The following SLC25A21 variants were observed in gnomAD, a reference collection of about 807,000 sequenced individuals.
SLC25A21 encodes solute carrier family 25 member 21.
Under a neutral mutation model 43.8 loss-of-function variants are expected in SLC25A21, and 47 were observed. The ratio of observed to expected loss-of-function variants is 1.07; its 90% confidence interval spans 0.85 to 1.37. The LOEUF is 1.37. Ranked by LOEUF, SLC25A21 falls within the 40% of genes most tolerant of loss-of-function variation. SLC25A21 has a pLI of 0.00. For synonymous variants in SLC25A21, 131 were observed against 121.3 expected, an observed-to-expected ratio of 1.08 and a Z score of -0.52; for missense variants, 352 against 350.2, an observed-to-expected ratio of 1.00 and a Z score of -0.04.
intron 1 of SLC25A21, among the ~76,000 whole-genome samples, chr14:37,051,634 C>A (rs748865956): frequency 8.5e-5 from 13 of 152,140 alleles, no homozygotes; most frequent in East Asian, 7.7e-4. Flanking sequence ...CCAACAGTGG[C>A]TACTTCAATA....
intron 1 of SLC25A21, among the ~76,000 whole-genome samples, chr14:36,875,847 T>C (rs1890506035): frequency 6.6e-6 from 1 of 152,154 alleles, no homozygotes. Flanking sequence ...TACAAACTAC[T>C]GGCATGTAAC....
intron 3 of SLC25A21, among the ~76,000 whole-genome samples, chr14:36,760,678 T>A (rs1886120287): frequency 1.3e-5 from 2 of 152,140 alleles, no homozygotes; most frequent in South Asian, 4.1e-4. Context: ...ACTGCACACA[T>A]ATTGTAACTT....
At chr14:36,897,958 G>T (rs1305729529) in intron 1 of SLC25A21, among the ~76,000 whole-genome samples, 1 of 152,220 alleles carries the variant, frequency 6.6e-6, no homozygotes, top group African/African-American at 2.4e-5. Context: ...GGGGATGCCT[G>T]CCAGTTAGGC....
chr14:37,070,162 G>A (rs911388257), intron 1 of SLC25A21, among the ~76,000 whole-genome samples: 9 of 151,832 alleles, frequency 5.9e-5, no homozygotes, highest in East Asian at 1.9e-4. Context: ...CATCCTAATC[G>A]GACTCTAATA....
At chr14:36,928,154 C>T (rs1302391066) in intron 1 of SLC25A21, among the ~76,000 whole-genome samples, 1 of 152,182 alleles carries the variant, frequency 6.6e-6, no homozygotes, top group Non-Finnish European at 1.5e-5. Context: ...TTCATATAGT[C>T]TGGCTCATTA....
chr14:36,832,590 T>C (rs1889075534), intron 2 of SLC25A21, among the ~76,000 whole-genome samples: 1 of 152,334 alleles, frequency 6.6e-6, no homozygotes, highest in Admixed American at 6.5e-5. Context: ...TTACACCTTT[T>C]CATGCTTTCT....
chr14:37,169,417 C>T (rs552429817), intron 1 of SLC25A21, among the ~76,000 whole-genome samples: 17 of 152,150 alleles, frequency 1.1e-4, no homozygotes, highest in Admixed American at 1.3e-4. Flanking sequence ...CCTGAGTTAT[C>T]CTCAGCACTC....
At chr14:36,792,506 A>T (rs1392802071) in intron 3 of SLC25A21, among the ~76,000 whole-genome samples, 1 of 152,186 alleles carries the variant, frequency 6.6e-6, no homozygotes, top group South Asian at 2.1e-4. Context: ...TGTTGGACCA[A>T]GTATTAAATA....
chr14:36,881,869 C>G (rs1890738573), intron 1 of SLC25A21, among the ~76,000 whole-genome samples: 1 of 152,128 alleles, frequency 6.6e-6, no homozygotes, highest in Non-Finnish European at 1.5e-5. Flanking sequence ...AAAGTAGTAG[C>G]CATAAACATA....
chr14:36,944,576 G>A (rs975496559), intron 1 of SLC25A21, among the ~76,000 whole-genome samples: 1 of 152,126 alleles, frequency 6.6e-6, no homozygotes, highest in Non-Finnish European at 1.5e-5. Flanking sequence ...CTGAAGGGTG[G>A]GGCTCCAAGG....
At chr14:36,787,539 A>G (rs2138391434) in intron 3 of SLC25A21, among the ~76,000 whole-genome samples, 2 of 152,370 alleles carry the variant, frequency 1.3e-5, no homozygotes, top group Middle Eastern at 6.8e-3. Context: ...TGTTGAAATT[A>G]ACATTAATTT....
At chr14:36,732,973 C>T (rs1884889616) in intron 4 of SLC25A21, among the ~76,000 whole-genome samples, 2 of 152,182 alleles carry the variant, frequency 1.3e-5, no homozygotes, top group Admixed American at 1.3e-4. Flanking sequence ...ATCTGTTAAC[C>T]ATTGTTCTGG....
At chr14:37,028,733 A>AT (rs1961144847) in intron 1 of SLC25A21, among the ~76,000 whole-genome samples, 1 of 152,146 alleles carries the variant, frequency 6.6e-6, no homozygotes, top group Non-Finnish European at 1.5e-5. Flanking sequence ...TCTTTAGAGC[A>AT]TTTTTTAATG....
At chr14:36,876,896 TATAGATAG>T (rs71449955) in intron 1 of SLC25A21, among the ~76,000 whole-genome samples, 69 of 138,422 alleles carry the variant, frequency 5.0e-4, no homozygotes, top group African/African-American at 1.1e-3. Context: ...ATGATGGGAT[TATAGATAG>T]ATAGATAGAT....
intron 1 of SLC25A21, among the ~76,000 whole-genome samples, chr14:37,136,278 C>T (rs1230441005): frequency 6.6e-6 from 1 of 152,050 alleles, no homozygotes; most frequent in African/African-American, 2.4e-5. Context: ...TTTATCTCAC[C>T]TTGAAATCAA....
At chr14:37,118,697 C>T (rs1334432567) in intron 1 of SLC25A21, among the ~76,000 whole-genome samples, 1 of 152,086 alleles carries the variant, frequency 6.6e-6, no homozygotes, top group Non-Finnish European at 1.5e-5. Flanking sequence ...CAGAGTAATT[C>T]CCTGGACTAT....
In SLC25A21 at chr14:36,929,482, T is replaced by C. The variant is rs115263807; in HGVS notation, c.71-54478A>G. On this transcript the variant is annotated intron_variant, in intron 1 of 9. Transcript: ENST00000331299. ...AAAAGTAAACATTGCAATTGTTTTT[T>C]TGTTTTTACTTAAAAGGTAAGTCTG... Among the ~76,000 whole-genome samples the C allele has an allele frequency of 2.8e-3, 423 of 152,328 alleles. 2 individuals carry two copies. The highest frequency in any genetic ancestry group is 0.01 in the African/African-American group (417 of 41,574).
At chr14:36,775,292 T>C (rs1886782263) in intron 3 of SLC25A21, among the ~76,000 whole-genome samples, 1 of 152,206 alleles carries the variant, frequency 6.6e-6, no homozygotes, top group African/African-American at 2.4e-5. Context: ...TAAGCTTGGT[T>C]CCCAGAATAT....
intron 1 of SLC25A21, among the ~76,000 whole-genome samples, chr14:36,906,524 T>C (rs564650599): frequency 2.6e-5 from 4 of 151,802 alleles, no homozygotes; most frequent in Non-Finnish European, 5.9e-5. Context: ...TTTTTTTTTT[T>C]TAGATGGAGT....
Sources: gnomAD v4.1 joint callset for allele counts (sites outside exome capture counted in the v4.1 genomes callset) on GRCh38, gnomAD v4.1.1 for gene constraint, MANE v1.5 for transcripts, NCBI Gene and HGNC (gene_info 2026-07-23, HGNC 2026-07-21) for gene names.